Variants in LSAMP observed in about 807,000 individuals in gnomAD.
The protein encoded by LSAMP is limbic system associated membrane protein.
LSAMP carries 7 observed loss-of-function variants against 38.6 expected under a neutral mutation model. The ratio of observed to expected loss-of-function variants is 0.18; its 90% CI spans 0.10 to 0.34. The LOEUF is 0.34. LSAMP is among the 10% of genes least tolerant of loss of function. The probability of loss-of-function intolerance (pLI) is 1.00; values close to 1 mark genes in which losing one functional copy is unlikely to be tolerated. For synonymous variants in LSAMP, 154 were observed against 166.8 expected (o/e 0.92, Z 0.59); for missense variants, 313 against 420.0 (o/e 0.75, Z 2.23).
intron 1 of LSAMP, among the ~76,000 whole-genome samples, chr3:116,438,311 GTT>G (rs1395238802): frequency 1.3e-5 from 2 of 152,074 alleles, no homozygotes; most frequent in Non-Finnish European, 2.9e-5. Flanking sequence ...CCATTATAGA[GTT>G]TATACAATAC....
intron 1 of LSAMP, among the ~76,000 whole-genome samples, chr3:116,177,119 A>T (rs1710366610): frequency 6.6e-6 from 1 of 152,180 alleles, no homozygotes; most frequent in Admixed American, 6.6e-5. Flanking sequence ...TCCTTGGAAT[A>T]CAGTTTAAAA....
Position 116,137,846 on chromosome 3 carries a change from G to T in LSAMP, c.156-51290C>A, listed in dbSNP as rs1033000794. ...TAATGAATACCCACAAAAAGGGGAGGGTGTGTTTTTGTTTTTGCCTATTGG... is the reference window on the plus strand; with the variant it reads ...TAATGAATACCCACAAAAAGGGGAGTGTGTGTTTTTGTTTTTGCCTATTGG... On this transcript the variant is annotated intron_variant, in intron 1 of 6. Coordinates refer to ENST00000490035, the MANE Select transcript of LSAMP (RefSeq NM_002338.5). 5.3e-5 allele frequency among the ~76,000 whole-genome samples: 8 copies of T among 152,140 alleles called. No individual in the cohort carries two copies. The South Asian group carries it at 1.7e-3, about 31-fold the overall frequency.
At chr3:116,272,645 T>C (rs2046989388) in intron 1 of LSAMP, among the ~76,000 whole-genome samples, 1 of 152,174 alleles carries the variant, frequency 6.6e-6, no homozygotes, top group Admixed American at 6.5e-5. Flanking sequence ...TGCTTTGTTT[T>C]TATTTAAAGA....
Position 115,937,367 on chromosome 3 carries a change from A to G in LSAMP, c.514+82148T>C, listed in dbSNP as rs1186437765. Reference sequence around the variant, plus strand: ...TAGAAATGTAATGTCTTGGCCAGGCATGGTAGCTCATACCTGTAATCTCAG... The same window carrying G: ...TAGAAATGTAATGTCTTGGCCAGGCGTGGTAGCTCATACCTGTAATCTCAG... On this transcript the variant is annotated intron_variant, in intron 3 of 6. Coordinates refer to ENST00000490035, the MANE Select transcript of LSAMP (RefSeq NM_002338.5). Among the ~76,000 whole-genome samples the G allele has an allele frequency of 3.9e-5, 6 of 152,314 alleles. No homozygotes were observed. The South Asian group carries it at 1.2e-3, about 32-fold the overall frequency.
chr3:116,213,140 A>T (rs572308595), intron 1 of LSAMP, among the ~76,000 whole-genome samples: 133 of 152,190 alleles, frequency 8.7e-4, no homozygotes, highest in Admixed American at 1.9e-3. Context: ...TCCATTTTTA[A>T]TTTTTTGTGA....
At position 116,320,236 on chromosome 3, in the gene LSAMP, A is replaced by C. The variant is rs562016628; in HGVS notation, c.155+124641T>G. Reference sequence around the variant, plus strand: ...GAGACCAGCCTGGCCAACATGATGAAACCTCGTCTCTCCTAAAAATACAAA... The same window carrying C: ...GAGACCAGCCTGGCCAACATGATGACACCTCGTCTCTCCTAAAAATACAAA... On this transcript the variant is annotated intron_variant, in intron 1 of 6. Transcript: ENST00000490035. Among the ~76,000 whole-genome samples, 4 of 152,194 alleles carry C rather than the reference A, an allele frequency of 2.6e-5. No individual in the cohort carries two copies. In the East Asian group the frequency reaches 7.8e-4, roughly 30 times the overall value.
At chr3:116,308,196 T>C (rs569907988) in intron 1 of LSAMP, among the ~76,000 whole-genome samples, 1 of 152,136 alleles carries the variant, frequency 6.6e-6, no homozygotes, top group East Asian at 1.9e-4. Flanking sequence ...ATGTCATCTA[T>C]ACAAAGTATG....
At position 116,062,525 on chromosome 3, in the gene LSAMP, T is replaced by A. The variant is rs535683696; in HGVS notation, c.388+23799A>T. On this transcript the variant is annotated intron_variant, in intron 2 of 6. Transcript: ENST00000490035. ...AGCGAGACTCCCTCTCAAAAAAAAA[T>A]TAAAAATTAAAAAGTATATACTCAG... Among the ~76,000 whole-genome samples the A allele has an allele frequency of 2.6e-3, 387 of 151,642 alleles. 1 individual carries two copies. The highest frequency in any genetic ancestry group is 3.6e-3 in the Admixed American group (55 of 15,212).
intron 2 of LSAMP, among the ~76,000 whole-genome samples, chr3:116,052,630 C>T (rs368534060): frequency 2.0e-5 from 3 of 152,142 alleles, no homozygotes; most frequent in African/African-American, 7.2e-5. Flanking sequence ...ACAAAGCATT[C>T]TTGTGTTTAA....
At chr3:116,037,656 A>C (rs1374929877) in intron 2 of LSAMP, among the ~76,000 whole-genome samples, 1 of 152,196 alleles carries the variant, frequency 6.6e-6, no homozygotes, top group Non-Finnish European at 1.5e-5. Flanking sequence ...CTCAGAAAGC[A>C]CAAAAGGAAG....
intron 1 of LSAMP, among the ~76,000 whole-genome samples, chr3:116,140,635 T>C (rs1407913587): frequency 6.6e-6 from 1 of 151,974 alleles, no homozygotes; most frequent in Non-Finnish European, 1.5e-5. Flanking sequence ...AATTCATATT[T>C]GTTATATGAT....
chr3:116,234,232 G>A (rs1450459967), intron 1 of LSAMP, among the ~76,000 whole-genome samples: 1 of 152,174 alleles, frequency 6.6e-6, no homozygotes, highest in Admixed American at 6.5e-5. Context: ...AGATCCCATG[G>A]ATTGGAGAAC....
intron 1 of LSAMP, among the ~76,000 whole-genome samples, chr3:116,169,812 G>A (rs1029418424): frequency 6.6e-6 from 1 of 152,152 alleles, no homozygotes; most frequent in African/African-American, 2.4e-5. Flanking sequence ...CGCCACTCAT[G>A]CTGTTGATTA....
chr3:116,018,992 C>A (rs1051788479), intron 3 of LSAMP, among the ~76,000 whole-genome samples: 43 of 152,192 alleles, frequency 2.8e-4, no homozygotes, highest in African/African-American at 1.0e-3. Context: ...CAAGGTGCTA[C>A]AAGTTAGAAA....
At chr3:116,279,421 T>C (rs1468633163) in intron 1 of LSAMP, among the ~76,000 whole-genome samples, 2 of 152,200 alleles carry the variant, frequency 1.3e-5, no homozygotes, top group Admixed American at 6.5e-5. Context: ...ACTTCTCTCC[T>C]TGTATAAACA....
At chr3:116,265,694 GGGTTAATCTAATTGT>G (rs1400098961) in intron 1 of LSAMP, among the ~76,000 whole-genome samples, 33 of 152,276 alleles carry the variant, frequency 2.2e-4, no homozygotes, top group African/African-American at 7.9e-4. Context: ...AGATTGAACA[GGGTTAATCTAATTGT>G]GGTTAATCTT....
intron 1 of LSAMP, among the ~76,000 whole-genome samples, chr3:116,300,420 C>T (rs2047390366): frequency 6.6e-6 from 1 of 152,164 alleles, no homozygotes; most frequent in Non-Finnish European, 1.5e-5. Context: ...TGGGCCCGCT[C>T]TCCTATTGAC....
intron 3 of LSAMP, among the ~76,000 whole-genome samples, chr3:115,950,455 A>C (rs1027095793): frequency 6.6e-6 from 1 of 152,192 alleles, no homozygotes; most frequent in Non-Finnish European, 1.5e-5. Flanking sequence ...CCAAGCTGAG[A>C]ATTAAATCAA....
chr3:116,427,548 G>A (rs902625694), intron 1 of LSAMP, among the ~76,000 whole-genome samples: 2 of 152,174 alleles, frequency 1.3e-5, no homozygotes, highest in Admixed American at 6.5e-5. Context: ...ATTTGTACAG[G>A]TTCCTTGAGG....
Sources: gnomAD v4.1 joint callset for allele counts (sites outside exome capture counted in the v4.1 genomes callset) on GRCh38, gnomAD v4.1.1 for gene constraint, MANE v1.5 for transcripts, NCBI Gene and HGNC (gene_info 2026-07-23, HGNC 2026-07-21) for gene names.